Variants in TRIM68 observed in about 807,000 individuals in gnomAD.
TRIM68 encodes the protein E3 ubiquitin-protein ligase TRIM68.
Under a neutral mutation model 41.9 loss-of-function variants are expected in TRIM68, and 36 were observed. The observed-to-expected ratio is 0.86, with a 90% confidence interval of 0.66 to 1.14. The LOEUF is 1.14. Among genes scored for constraint, TRIM68 ranks in the 50% most tolerant of loss-of-function variants. The pLI is 0.00. For missense variants in TRIM68, 632 were observed against 605.1 expected, an observed-to-expected ratio of 1.04 and a Z score of -0.47; for synonymous variants, 225 against 224.6, an observed-to-expected ratio of 1.00 and a Z score of -0.02.
chr11:4,605,032 A>G lies in TRIM68; in HGVS notation c.426+47T>C, dbSNP rs368152106. ...TCAAGCCCTTGATCTAGAAACAGCC[A>G]ACTTGGGGCCGGGGTTAGACTGGAG... On this transcript the variant is annotated intron_variant, in intron 2 of 6. Transcript: ENST00000300747. The G allele has an allele frequency of 2.8e-5, 45 of 1,589,992 alleles. No individual in the cohort carries two copies. The South Asian group carries it at 2.9e-4, about 10-fold the overall frequency.
chr11:4,606,074 C>A (rs1846564316), intron 1 of TRIM68, among the ~76,000 whole-genome samples: 1 of 152,224 alleles, frequency 6.6e-6, no homozygotes, highest in African/African-American at 2.4e-5. Context: ...GTGTTGCACA[C>A]TAAAATGCAA....
chr11:4,602,609 C>T (rs980771148), intron 3 of TRIM68, among the ~76,000 whole-genome samples, 197 bp from the exon 4 acceptor site: 11 of 152,206 alleles, frequency 7.2e-5, no homozygotes, highest in African/African-American at 2.4e-4. Context: ...TCTATTGTCA[C>T]TCTTATTGAC....
chr11:4,602,390 T>C lies in TRIM68; in HGVS notation c.545A>G (p.Gln182Arg), dbSNP rs1846506344. The C allele has an allele frequency of 4.3e-6, 7 of 1,613,788 alleles. No individual in the cohort carries two copies. Among genetic ancestry groups the C allele is most frequent in the Non-Finnish European group, 5.1e-6 (6 of 1,179,970 alleles). The stretch of plus-strand genomic sequence containing the variant: ...TTTTTCAAACTCCCATACAATACTC[T>C]GTTTTCGGGTTTCCACCTGTATCTG... ...TWKIQVETRK[Q>R]SIVWEFEKYQ... is the part of the protein sequence containing the mutation. Residue 182 changes from glutamine (Q) to arginine (R), a missense_variant, in exon 4 of 7, where the codon CAG (glutamine) becomes CGG (arginine). Transcript: ENST00000300747.
At chr11:4,600,990 C>T (rs1233039280) in intron 6 of TRIM68, 37 bp downstream of exon 6, 2 of 1,602,818 alleles carry the variant, frequency 1.2e-6, no homozygotes, top group Admixed American at 3.3e-5. Flanking sequence ...AGGGGTCCCT[C>T]CCACTGTCCA....
rs2231976 is a variant in TRIM68, at chr11:4,600,364, C to A, written c.1370G>T (p.Arg457Leu). The A allele has an allele frequency of 3.1e-6, 5 of 1,613,792 alleles. No homozygotes were observed. Among genetic ancestry groups the A allele is most frequent in the Non-Finnish European group, 4.2e-6 (5 of 1,179,898 alleles). The change falls in exon 7 of 7, where the codon CGC (arginine) becomes CTC (leucine). Residue 457 changes from arginine to leucine, a missense_variant. Arg to Leu is a moderately radical substitution (Grantham distance 102). Coordinates refer to ENST00000300747, the MANE Select transcript of TRIM68 (RefSeq NM_018073.8). ...FTFPRYPFPG[R>L]LLPYFSPCYS... ...GCAAGGACTAAAATAGGGCAGGAGG[C>A]GCCCAGGGAAGGGATAGCGGGGGAA...
Position 4,603,551 on chromosome 11 carries a change from T to C in TRIM68, c.427-211A>G, listed in dbSNP as rs2231966. On this transcript the variant is annotated intron_variant, in intron 2 of 6. Transcript: ENST00000300747. ...CATTTCAACTCCCACAGTCTCTAAATGTCTGTAAACTGGAAGAAAAGGTCC... is the reference window on the plus strand; with the variant it reads ...CATTTCAACTCCCACAGTCTCTAAACGTCTGTAAACTGGAAGAAAAGGTCC... Among the ~76,000 whole-genome samples the C allele has an allele frequency of 2.6e-5, 4 of 152,356 alleles. No homozygotes were observed. In the South Asian group the frequency reaches 8.3e-4, roughly 32 times the overall value.
intron 1 of TRIM68, among the ~76,000 whole-genome samples, chr11:4,606,424 A>G (rs1846568557): frequency 6.6e-6 from 1 of 152,242 alleles, no homozygotes; most frequent in African/African-American, 2.4e-5. Flanking sequence ...GCTAGAATCT[A>G]TACAAGGAAG....
intron 3 of TRIM68, among the ~76,000 whole-genome samples, chr11:4,602,751 T>A (rs1212089780): frequency 6.6e-6 from 1 of 152,262 alleles, no homozygotes; most frequent in Non-Finnish European, 1.5e-5. Context: ...AGGTGGTTCA[T>A]TTTCATGTTG....
intron 1 of TRIM68, among the ~76,000 whole-genome samples, chr11:4,606,869 G>C (rs776066673): frequency 6.6e-6 from 1 of 152,202 alleles, no homozygotes; most frequent in Non-Finnish European, 1.5e-5. Context: ...AGGAAGCAGA[G>C]CAGTAAATCT....
chr11:4,602,006 G>A (rs1354282279), intron 4 of TRIM68, 146 bp downstream of exon 4: 3 of 1,194,400 alleles, frequency 2.5e-6, no homozygotes, highest in African/African-American at 3.0e-5. Flanking sequence ...TAGGGAAACA[G>A]CAGGTATTAG....
chr11:4,601,474 A>G, intron 5 of TRIM68, 190 bp downstream of exon 5: 1 of 621,988 alleles, frequency 1.6e-6, no homozygotes, highest in Non-Finnish European at 2.8e-6. Flanking sequence ...ACATTTGATC[A>G]AGTACAAAGA....
At chr11:4,607,350 A>C (rs564319325) in intron 1 of TRIM68, among the ~76,000 whole-genome samples, 46 of 152,376 alleles carry the variant, frequency 3.0e-4, no homozygotes, top group African/African-American at 9.9e-4. Flanking sequence ...AACTAAATGT[A>C]AATGTTGAGT....
At chr11:4,603,391 T>C (rs747938643) in intron 2 of TRIM68, 51 bp from the exon 3 acceptor site, 3 of 1,564,694 alleles carry the variant, frequency 1.9e-6, no homozygotes, top group Admixed American at 1.7e-5. Context: ...CTAGGCTTCC[T>C]AGCACTGGGA....
intron 2 of TRIM68, among the ~76,000 whole-genome samples, chr11:4,603,831 A>C (rs1340403347): frequency 2.0e-5 from 3 of 152,208 alleles, no homozygotes; most frequent in Non-Finnish European, 4.4e-5. Context: ...AAGGGTAAGA[A>C]GCACTTTCCT....
rs1179727680 is a variant in TRIM68 at position 4,600,783 on chromosome 11, G to A, written c.951C>T (p.Ile317=). 13 of 1,614,136 alleles carry A rather than the reference G, an allele frequency of 8.1e-6. 1 individual carries two copies. The highest frequency in any genetic ancestry group is 5.9e-6 in the Non-Finnish European group (7 of 1,180,022). ...GCACACGTTTTCTGTCCTCAGACACGATGAGACGGGAGTAAGCAGTATCTG... is the reference window on the plus strand; with the variant it reads ...GCACACGTTTTCTGTCCTCAGACACAATGAGACGGGAGTAAGCAGTATCTG... ...LDPDTAYSRL[I]VSEDRKRVHY... Residue 317 remains isoleucine, a synonymous_variant, in exon 7 of 7, where the codon ATC becomes ATT. Transcript: ENST00000300747.
chr11:4,604,313 G>A (rs1846537829), intron 2 of TRIM68, among the ~76,000 whole-genome samples: 1 of 152,240 alleles, frequency 6.6e-6, no homozygotes, highest in Non-Finnish European at 1.5e-5. Context: ...GAATCACTGA[G>A]ATAATGGTTC....
At chr11:4,603,129 C>T (rs1846517822) in intron 3 of TRIM68, 116 bp downstream of exon 3, 2 of 986,214 alleles carry the variant, frequency 2.0e-6, no homozygotes, top group Non-Finnish European at 3.2e-6. Context: ...GAACCCTAGG[C>T]TCTGTGATTT....
chr11:4,607,008 C>A (rs543769335), intron 1 of TRIM68, among the ~76,000 whole-genome samples: 1 of 152,134 alleles, frequency 6.6e-6, no homozygotes. Context: ...TTTGGTAAAT[C>A]ACTAACTTAC....
rs1846483399 is a variant in TRIM68 at position 4,601,112 on chromosome 11, G to A, written c.822C>T (p.Ser274=). Residue 274 remains serine, a synonymous_variant, in exon 6 of 7, where the codon AGC becomes AGT. Transcript: ENST00000300747. ...QEVLNRSKSW[S]LQQPEPISLE... is the part of the protein sequence containing the mutation. The stretch of plus-strand genomic sequence containing the variant: ...GGGAGATTGGTTCTGGCTGCTGCAA[G>A]CTCCAAGATTTGCTCCTGGTAGAGG... The A allele has an allele frequency of 1.2e-6, 2 of 1,614,046 alleles. No homozygotes were observed. Among genetic ancestry groups the A allele is most frequent in the Admixed American group, 1.7e-5 (1 of 60,004 alleles).
Sources: allele counts gnomAD v4.1 joint callset (sites outside exome capture counted in the v4.1 genomes callset), GRCh38; gene constraint gnomAD v4.1.1; transcripts MANE v1.5; gene names NCBI Gene and HGNC (gene_info 2026-07-23, HGNC 2026-07-21).